OXCT1: variants seen among roughly 807,000 people sequenced by gnomAD.
OXCT1 encodes 3-oxoacid CoA-transferase 1.
A neutral mutation model predicts 69.6 loss-of-function variants in OXCT1; 27 were observed. The ratio of observed to expected loss-of-function variants is 0.39; its 90% CI spans 0.29 to 0.54. The LOEUF (loss-of-function observed/expected upper bound fraction) is 0.54, where lower values mean the gene tolerates loss of function less well. Among genes scored for constraint, OXCT1 ranks in the 20% least tolerant of loss-of-function variants. The pLI is 0.72. For synonymous variants in OXCT1, 202 were observed against 217.8 expected (o/e 0.93, Z 0.64); for missense variants, 437 against 650.2 (o/e 0.67, Z 3.57).
intron 1 of OXCT1, among the ~76,000 whole-genome samples, chr5:41,863,429 T>C (rs994321996): frequency 6.6e-6 from 1 of 152,204 alleles, no homozygotes; most frequent in African/African-American, 2.4e-5. Context: ...TAAAATTATG[T>C]ATCCTTTGAC....
rs1471218833 is a variant in OXCT1, at chr5:41,870,385, T to G, written c.-27A>C. 4 of 1,592,984 alleles carry G rather than the reference T, an allele frequency of 2.5e-6. No individual in the cohort carries two copies. The highest frequency in any genetic ancestry group is 3.4e-6 in the Non-Finnish European group (4 of 1,163,792). On this transcript the variant is annotated 5_prime_UTR_variant, in exon 1 of 17. Transcript: ENST00000196371. This position sits in a 1 kb window ranked among gnomAD's most constrained non-coding sequence, Gnocchi z 4.2. Reference sequence around the variant, plus strand: ...TTCGGGCGGTGAGGCAGGAGGAGGCTGCGGGTTGGAGCGCGCGTTTGAGCG... The same window carrying G: ...TTCGGGCGGTGAGGCAGGAGGAGGCGGCGGGTTGGAGCGCGCGTTTGAGCG...
At chr5:41,832,027 G>A (rs917793616) in intron 7 of OXCT1, among the ~76,000 whole-genome samples, 14 of 152,142 alleles carry the variant, frequency 9.2e-5, no homozygotes, top group African/African-American at 3.4e-4. Flanking sequence ...CACCTCAGGA[G>A]CACCAAATTT....
intron 5 of OXCT1, 109 bp downstream of exon 5, chr5:41,849,921 T>G: frequency 9.0e-7 from 1 of 1,110,144 alleles, no homozygotes; most frequent in Non-Finnish European, 1.4e-6. Context: ...AATGAATGAG[T>G]GCTTTTTCTC....
chr5:41,745,077 C>T (rs1743399485), intron 15 of OXCT1, among the ~76,000 whole-genome samples: 1 of 152,076 alleles, frequency 6.6e-6, no homozygotes, highest in East Asian at 1.9e-4. Flanking sequence ...AACTCTCCAC[C>T]CCAAATCAAC....
intron 11 of OXCT1, among the ~76,000 whole-genome samples, chr5:41,795,685 C>G (rs777886653): frequency 2.0e-5 from 3 of 151,832 alleles, no homozygotes; most frequent in African/African-American, 7.3e-5. Flanking sequence ...TAATACTATA[C>G]TGTATAATTG....
At chr5:41,818,827 C>A (rs1326670364) in intron 7 of OXCT1, among the ~76,000 whole-genome samples, 1 of 151,808 alleles carries the variant, frequency 6.6e-6, no homozygotes, top group Non-Finnish European at 1.5e-5. Context: ...CTTTTTCCCA[C>A]ATTTCTTACT....
At chr5:41,861,444 T>TA (rs1749733907) in intron 2 of OXCT1, 40 bp from the exon 3 acceptor site, 2 of 1,123,770 alleles carry the variant, frequency 1.8e-6, no homozygotes, top group Admixed American at 1.7e-5. Context: ...GTAAAGGGGG[T>TA]AACAATGTTC....
At chr5:41,750,322 T>C (rs1743718627) in intron 14 of OXCT1, among the ~76,000 whole-genome samples, 1 of 151,982 alleles carries the variant, frequency 6.6e-6, no homozygotes, top group African/African-American at 2.4e-5. Flanking sequence ...AAAAAATGTT[T>C]TCATTCATTG....
In OXCT1 at chr5:41,838,573, T is replaced by C. The variant is rs76416939; in HGVS notation, c.732+1878A>G. Among the ~76,000 whole-genome samples the C allele has an allele frequency of 1.9e-3, 292 of 152,294 alleles. 4 individuals carry two copies. The highest frequency in any genetic ancestry group is 0.014 in the Admixed American group (211 of 15,294). ...CAATACAGTAATCACTAGCCACATG[T>C]AGCTTTGCTTGATATGGGACTAGTA... On this transcript the variant is annotated intron_variant, in intron 7 of 16. Transcript: ENST00000196371.
intron 4 of OXCT1, among the ~76,000 whole-genome samples, chr5:41,852,416 G>A (rs1004182771): frequency 1.3e-5 from 2 of 152,070 alleles, no homozygotes; most frequent in Non-Finnish European, 2.9e-5. Context: ...TACCAACTTG[G>A]CAAAGTCAGT....
intron 13 of OXCT1, among the ~76,000 whole-genome samples, chr5:41,783,774 T>C (rs1390071606): frequency 2.6e-5 from 4 of 152,182 alleles, no homozygotes; most frequent in Non-Finnish European, 5.9e-5. Context: ...TAGCTCACCT[T>C]TCTTTCAGTC....
intron 13 of OXCT1, among the ~76,000 whole-genome samples, chr5:41,788,060 T>A (rs1270628446): frequency 6.6e-6 from 1 of 152,144 alleles, no homozygotes; most frequent in South Asian, 2.1e-4. Flanking sequence ...GCAAAAATAA[T>A]AGCGAAGTAT....
chr5:41,799,558 T>C (rs984117791), intron 11 of OXCT1, among the ~76,000 whole-genome samples: 13 of 152,180 alleles, frequency 8.5e-5, no homozygotes, highest in African/African-American at 2.9e-4. Flanking sequence ...TCCAACCACA[T>C]TGAAAAAGTT....
intron 14 of OXCT1, among the ~76,000 whole-genome samples, chr5:41,753,286 CACAT>C (rs1260333152): frequency 2.9e-5 from 4 of 138,774 alleles, no homozygotes; most frequent in Admixed American, 7.9e-5. Flanking sequence ...CACACACACA[CACAT>C]AGACACACAC....
chr5:41,847,073 C>G (rs371443387), intron 5 of OXCT1, among the ~76,000 whole-genome samples: 22 of 151,486 alleles, frequency 1.5e-4, no homozygotes, highest in Admixed American at 1.2e-3. Flanking sequence ...ATCAAATAGA[C>G]GCAATAAAAA....
chr5:41,761,829 C>T (rs1405331793), intron 14 of OXCT1, among the ~76,000 whole-genome samples: 1 of 152,248 alleles, frequency 6.6e-6, no homozygotes, highest in Middle Eastern at 3.4e-3. Context: ...GATATTAAAG[C>T]TTTTACTTTT....
chr5:41,731,523 G>A lies in OXCT1; in HGVS notation c.*206C>T, dbSNP rs1428798742. On this transcript the variant is annotated 3_prime_UTR_variant, in exon 17 of 17. Transcript: ENST00000196371. ...CAACCTTCTCAGCCTTAACAAATGA[G>A]ATAATTATAAATGCTCCTTTTGCTT... 1 of 921,432 alleles carries A rather than the reference G, an allele frequency of 1.1e-6. No homozygotes were observed. The highest frequency in any genetic ancestry group is 1.7e-5 in the African/African-American group (1 of 59,328). 57.1% of individuals were successfully genotyped at this position (921,432 alleles called of 1,614,324 possible).
Position 41,851,957 on chromosome 5 carries a change from A to C in OXCT1, c.414+1462T>G, listed in dbSNP as rs183521037. Among the ~76,000 whole-genome samples the C allele has an allele frequency of 6.6e-4, 101 of 152,256 alleles. No individual in the cohort carries two copies. The South Asian group carries it at 7.3e-3, about 11-fold the overall frequency. Reference sequence around the variant, plus strand: ...TTGAGATAGGGCCTATAAGGAGGTCATCAAGGTTGAAGGAAGTCAAAAAGG... The same window carrying C: ...TTGAGATAGGGCCTATAAGGAGGTCCTCAAGGTTGAAGGAAGTCAAAAAGG... On this transcript the variant is annotated intron_variant, in intron 4 of 16. Transcript: ENST00000196371.
intron 7 of OXCT1, among the ~76,000 whole-genome samples, chr5:41,834,504 A>G (rs1404124377): frequency 6.6e-6 from 1 of 150,846 alleles, no homozygotes. Flanking sequence ...AAAAAAAAAA[A>G]CAAAACAGAA....
Sources: allele counts gnomAD v4.1 joint callset (sites outside exome capture counted in the v4.1 genomes callset), GRCh38; gene constraint gnomAD v4.1.1; non-coding constraint Gnocchi (gnomAD v3.1); transcripts MANE v1.5; gene names NCBI Gene and HGNC (gene_info 2026-07-23, HGNC 2026-07-21).